Variants in ALDH1A3 observed in about 807,000 individuals in gnomAD.
ALDH1A3 encodes the protein retinaldehyde dehydrogenase 3.
A neutral mutation model predicts 57.5 loss-of-function variants in ALDH1A3; 28 were observed. That is an observed-to-expected ratio of 0.49 (90% CI 0.36 to 0.67). The LOEUF (loss-of-function observed/expected upper bound fraction) is 0.67. ALDH1A3 is among the 30% of genes least tolerant of loss of function. ALDH1A3 has a pLI of 0.00. For synonymous variants in ALDH1A3, 281 were observed against 264.8 expected (o/e 1.06, Z -0.59); for missense variants, 507 against 669.4 (o/e 0.76, Z 2.68).
At chr15:100,890,939 T>G (rs1385200744) in intron 3 of ALDH1A3, among the ~76,000 whole-genome samples, 3 of 152,228 alleles carry the variant, frequency 2.0e-5, no homozygotes, top group Non-Finnish European at 2.9e-5. Context: ...GTATACTTGA[T>G]GTCACACTGG....
intron 3 of ALDH1A3, among the ~76,000 whole-genome samples, chr15:100,891,736 G>A (rs548149775): frequency 8.8e-4 from 134 of 152,364 alleles, no homozygotes; most frequent in African/African-American, 2.8e-3. Context: ...CTGCAGAGGC[G>A]GATGACTGGC....
At chr15:100,891,429 C>A (rs948026503) in intron 3 of ALDH1A3, among the ~76,000 whole-genome samples, 3 of 152,358 alleles carry the variant, frequency 2.0e-5, no homozygotes, top group East Asian at 3.9e-4. Flanking sequence ...TCCAGACACA[C>A]CTGTCCAGGA....
At chr15:100,903,433 C>T (rs1018588698) in intron 9 of ALDH1A3, among the ~76,000 whole-genome samples, 2 of 152,166 alleles carry the variant, frequency 1.3e-5, no homozygotes, top group South Asian at 2.1e-4. Context: ...GATGAAGCCA[C>T]CAGAATTTCA....
intron 7 of ALDH1A3, among the ~76,000 whole-genome samples, chr15:100,897,436 G>A (rs1322981651): frequency 6.6e-6 from 1 of 152,250 alleles, no homozygotes; most frequent in East Asian, 1.9e-4. Context: ...GGTACAGTGG[G>A]CAATGGGAGA....
chr15:100,885,061 C>T (rs982661223), intron 1 of ALDH1A3, among the ~76,000 whole-genome samples: 5 of 152,144 alleles, frequency 3.3e-5, no homozygotes, highest in African/African-American at 7.2e-5. Context: ...ACTTGAATTT[C>T]GAGTCTGTCC....
At chr15:100,896,881 G>A (rs1443301286) in intron 7 of ALDH1A3, among the ~76,000 whole-genome samples, 2 of 152,144 alleles carry the variant, frequency 1.3e-5, no homozygotes, top group African/African-American at 2.4e-5. Flanking sequence ...TTTCCCATTC[G>A]TAGAGGTGTG....
In ALDH1A3 at chr15:100,892,661, T is replaced by C. The variant is rs529459760; in HGVS notation, c.475+22T>C. ...ACAGGTGAGCAAGGTGGATTATAGCTTCATTTGGGATCCCTTTGGGGCTAT... is the reference window on the plus strand; with the variant it reads ...ACAGGTGAGCAAGGTGGATTATAGCCTCATTTGGGATCCCTTTGGGGCTAT... On this transcript the variant is annotated intron_variant, in intron 4 of 12. Transcript: ENST00000329841. The C allele has an allele frequency of 3.1e-6, 5 of 1,593,456 alleles. 1 individual carries two copies. In the Admixed American group the frequency reaches 5.6e-5, roughly 18 times the overall value.
chr15:100,911,136 G>A (rs2041878860), intron 12 of ALDH1A3, among the ~76,000 whole-genome samples: 1 of 152,254 alleles, frequency 6.6e-6, no homozygotes, highest in African/African-American at 2.4e-5. Context: ...AATTCACAAG[G>A]AGCCTAGAAA....
intron 12 of ALDH1A3, chr15:100,914,479 A>C (rs1374457258): frequency 2.2e-6 from 1 of 452,406 alleles, no homozygotes; most frequent in African/African-American, 2.0e-5. Context: ...CAAAAGCATC[A>C]CACAGAAGAA....
chr15:100,896,723 A>T (rs2041707885), intron 7 of ALDH1A3, among the ~76,000 whole-genome samples: 1 of 152,198 alleles, frequency 6.6e-6, no homozygotes, highest in Admixed American at 6.5e-5. Context: ...CTACTTAGAG[A>T]AATTTTCTCA....
intron 8 of ALDH1A3, among the ~76,000 whole-genome samples, chr15:100,899,499 A>T (rs1033993162): frequency 8.5e-5 from 13 of 152,134 alleles, no homozygotes; most frequent in Non-Finnish European, 1.3e-4. Context: ...CCTTCTCCTC[A>T]TCAGGGCGGT....
intron 9 of ALDH1A3, among the ~76,000 whole-genome samples, chr15:100,903,471 A>T (rs2041791631): frequency 6.6e-6 from 1 of 152,234 alleles, no homozygotes; most frequent in Non-Finnish European, 1.5e-5. Flanking sequence ...GCATGCAGGT[A>T]TGTGCAGTCA....
chr15:100,902,634 G>A (rs1185264612), intron 9 of ALDH1A3, among the ~76,000 whole-genome samples: 1 of 152,240 alleles, frequency 6.6e-6, no homozygotes, highest in Non-Finnish European at 1.5e-5. Context: ...GCAGAGAGCC[G>A]AGCACAGCCT....
chr15:100,897,012 A>G (rs539518486), intron 7 of ALDH1A3, among the ~76,000 whole-genome samples: 3 of 152,332 alleles, frequency 2.0e-5, no homozygotes, highest in Admixed American at 2.0e-4. Flanking sequence ...TGTAATTCAC[A>G]TACATCTCTA....
intron 12 of ALDH1A3, among the ~76,000 whole-genome samples, chr15:100,911,874 CTTTG>C (rs745834154): frequency 3.9e-5 from 6 of 152,206 alleles, no homozygotes; most frequent in Admixed American, 6.5e-5. Flanking sequence ...GATTTCATCA[CTTTG>C]TTTGCGTTTC....
chr15:100,887,508 A>G lies in ALDH1A3; in HGVS notation c.205-64A>G. Reference sequence around the variant, plus strand: ...ACCCAAACTTCAGTCACGTCAAAAGATGACACCCAAACTGCAGTCACGTCA... The same window carrying G: ...ACCCAAACTTCAGTCACGTCAAAAGGTGACACCCAAACTGCAGTCACGTCA... On this transcript the variant is annotated intron_variant, in intron 2 of 12. Transcript: ENST00000329841. This position sits in a 1 kb window ranked among gnomAD's most constrained non-coding sequence, Gnocchi z 4.6. The G allele has an allele frequency of 6.8e-7, 1 of 1,459,918 alleles. No homozygotes were observed. Among genetic ancestry groups the G allele is most frequent in the Non-Finnish European group, 9.1e-7 (1 of 1,097,614 alleles). 90.4% of individuals were successfully genotyped at this position (1,459,918 alleles called of 1,614,324 possible).
In ALDH1A3 at chr15:100,879,933, A is replaced by G. The variant is rs946141965; in HGVS notation, c.26A>G (p.Glu9Gly). Residue 9 changes from glutamate (E) to glycine (G), a missense_variant, in exon 1 of 13, where the codon GAA (glutamate) becomes GGA (glycine). Glu to Gly is a moderately conservative substitution (Grantham distance 98). This residue lies in a region of ALDH1A3 where 75 missense variants were observed against 61.0 expected (regional missense o/e 1.23). Transcript: ENST00000329841. ...ATGGCCACCGCTAACGGGGCCGTGG[A>G]AAACGGGCAGCCGGACAGGAAGCCG... MATANGAV[E>G]NGQPDRKPPA... The G allele has an allele frequency of 1.4e-6, 2 of 1,467,784 alleles. No individual in the cohort carries two copies. Among genetic ancestry groups the G allele is most frequent in the Admixed American group, 2.4e-5 (1 of 41,474 alleles). 90.9% of individuals were successfully genotyped at this position (1,467,784 alleles called of 1,614,324 possible). A position where few individuals can be genotyped will look rare whatever the true frequency, so the allele number is the denominator to read the frequency against.
At chr15:100,908,546 C>A in intron 12 of ALDH1A3, 64 bp downstream of exon 12, 1 of 1,424,916 alleles carries the variant, frequency 7.0e-7, no homozygotes, top group Non-Finnish European at 9.9e-7. Context: ...GATTTGCAGG[C>A]AGTGACACAG....
chr15:100,881,176 T>A (rs1233557197), intron 1 of ALDH1A3: 1 of 152,258 alleles, frequency 6.6e-6, no homozygotes, highest in Non-Finnish European at 1.5e-5. Context: ...TGGCACTTAA[T>A]TCCCAATGTC....
Sources: gnomAD v4.1 joint callset for allele counts (sites outside exome capture counted in the v4.1 genomes callset) on GRCh38, gnomAD v4.1.1 for gene constraint, gnomAD v4.1.1 regional missense constraint, Gnocchi (gnomAD v3.1) non-coding constraint, MANE v1.5 for transcripts, NCBI Gene and HGNC (gene_info 2026-07-23, HGNC 2026-07-21) for gene names.